The following PTPN1 variants were observed in gnomAD, a reference collection of about 807,000 sequenced individuals.
PTPN1 encodes tyrosine-protein phosphatase non-receptor type 1.
A neutral mutation model predicts 59.9 loss-of-function variants in PTPN1; 12 were observed. The ratio of observed to expected loss-of-function variants is 0.20; its 90% confidence interval spans 0.13 to 0.32. The LOEUF is 0.32. Ranked by LOEUF, PTPN1 falls within the 10% of genes least tolerant of loss-of-function variation. The probability of loss-of-function intolerance (pLI) is 1.00; values close to 1 mark genes in which losing one functional copy is unlikely to be tolerated. For missense variants in PTPN1, 356 were observed against 549.2 expected (o/e 0.65, Z 3.52); for synonymous variants, 178 against 203.6 (o/e 0.87, Z 1.07).
At chr20:50,561,042 T>C (rs7262993) in intron 1 of PTPN1, among the ~76,000 whole-genome samples, 6 of 152,310 alleles carry the variant, frequency 3.9e-5, no homozygotes, top group South Asian at 2.1e-4. Context: ...TCGCACCTCC[T>C]ACTGCCCACT....
chr20:50,545,887 G>C (rs375507078), intron 1 of PTPN1, among the ~76,000 whole-genome samples: 3 of 150,924 alleles, frequency 2.0e-5, no homozygotes, highest in African/African-American at 7.3e-5. Flanking sequence ...AATGAGCCAG[G>C]CATGGTGGAA....
In PTPN1 at chr20:50,568,472, A is replaced by G. The variant is rs1568793055; in HGVS notation, c.348A>G (p.Lys116=). ...TCATGCTCAACAGAGTGATGGAGAA[A>G]GGTTCGGTAAGTCTCGGCTTCATTT... is the stretch of plus-strand genomic sequence containing the variant. ...GVVMLNRVME[K]GSLKCAQYWP... The change falls in exon 4 of 10, where the codon AAA becomes AAG. Residue 116 remains lysine (K), a synonymous_variant. Transcript: ENST00000371621. This position sits in a 1 kb window ranked among gnomAD's most constrained non-coding sequence, Gnocchi z 5.6. The G allele has an allele frequency of 6.2e-7, 1 of 1,613,614 alleles. No individual in the cohort carries two copies. Among genetic ancestry groups the G allele is most frequent in the East Asian group, 2.2e-5 (1 of 44,878 alleles).
At chr20:50,511,452 G>C (rs1012781080) in intron 1 of PTPN1, among the ~76,000 whole-genome samples, 4 of 152,116 alleles carry the variant, frequency 2.6e-5, no homozygotes, top group African/African-American at 7.2e-5. Flanking sequence ...GGAGGCCTGC[G>C]GTACCCACTC....
At chr20:50,546,072 A>T (rs1202407036) in intron 1 of PTPN1, among the ~76,000 whole-genome samples, 1 of 152,024 alleles carries the variant, frequency 6.6e-6, no homozygotes, top group Non-Finnish European at 1.5e-5. Context: ...AAAAAAAGTG[A>T]TTAGATCCCT....
chr20:50,523,007 C>T (rs951987143), intron 1 of PTPN1, among the ~76,000 whole-genome samples: 12 of 151,582 alleles, frequency 7.9e-5, no homozygotes, highest in South Asian at 2.1e-4. Flanking sequence ...CTCAGGTGAT[C>T]CATCCACCTC....
rs145883911 is a variant in PTPN1, at chr20:50,581,435, C to T, written c.1259C>T (p.Thr420Met). The change falls in exon 9 of 10, where the codon ACG (threonine) becomes ATG (methionine). Residue 420 changes from threonine (T) to methionine (M), a missense_variant. Around this residue, in one of 3 missense-constraint regions of PTPN1, gnomAD observed 62 missense variants for 97.2 expected, o/e 0.64. Transcript: ENST00000371621. ...AACATGTGCGTGGCTACGGTCCTCA[C>T]GGCCGGCGCTTACCTCTGCTACAGG... ...LVNMCVATVL[T>M]AGAYLCYRFL... 6.0e-5 allele frequency: 97 copies of T among 1,612,214 alleles called. No homozygotes were observed. The highest frequency in any genetic ancestry group is 7.6e-5 in the Non-Finnish European group (90 of 1,178,406).
intron 1 of PTPN1, among the ~76,000 whole-genome samples, chr20:50,520,961 G>A (rs2082548626): frequency 6.6e-6 from 1 of 152,090 alleles, no homozygotes; most frequent in Admixed American, 6.6e-5. Flanking sequence ...CAGAGGGTGG[G>A]GTGATCTTTC....
chr20:50,568,436 CA>C lies in PTPN1; in HGVS notation c.313del (p.Arg105GlyfsTer9). 6.2e-7 allele frequency: 1 copy of C among 1,614,130 alleles called. No individual in the cohort carries two copies. The highest frequency in any genetic ancestry group is 8.5e-7 in the Non-Finnish European group (1 of 1,179,998). On this transcript the variant is annotated frameshift_variant, in exon 4 of 10. Transcript: ENST00000371621. LOFTEE classifies it high-confidence loss of function. This position sits in a 1 kb window ranked among gnomAD's most constrained non-coding sequence, Gnocchi z 5.6. ...GGGAGATGGTGTGGGAGCAGAAAAG[CA>C]GGGGTGTCGTCATGCTCAACAGAGT... is the stretch of plus-strand genomic sequence containing the variant. ...FWEMVWEQKS[R>X]GVVMLNRVME...
chr20:50,548,068 G>T (rs1049741485), intron 1 of PTPN1, among the ~76,000 whole-genome samples: 1 of 152,018 alleles, frequency 6.6e-6, no homozygotes, highest in Non-Finnish European at 1.5e-5. Context: ...TTGACCGTTT[G>T]CCTCCGTGTC....
intron 2 of PTPN1, among the ~76,000 whole-genome samples, chr20:50,564,676 T>C (rs1333661966): frequency 6.6e-6 from 1 of 152,142 alleles, no homozygotes; most frequent in Non-Finnish European, 1.5e-5. Context: ...GAGTAATAAG[T>C]ATCACAACAA....
Position 50,582,802 on chromosome 20 carries a change from A to G in PTPN1, c.*87A>G, listed in dbSNP as rs2082875687. Reference sequence around the variant, plus strand: ...GACTAGCAGGCATGCCGCGGTAGGTAAGGGCCGCCGGACCGCGTAGAGAGC... The same window carrying G: ...GACTAGCAGGCATGCCGCGGTAGGTGAGGGCCGCCGGACCGCGTAGAGAGC... On this transcript the variant is annotated 3_prime_UTR_variant, in exon 10 of 10. Transcript: ENST00000371621. This position sits in a 1 kb window ranked among gnomAD's most constrained non-coding sequence, Gnocchi z 4.2. 10 of 1,552,086 alleles carry G rather than the reference A, an allele frequency of 6.4e-6. No individual in the cohort carries two copies. The highest frequency in any genetic ancestry group is 2.7e-5 in the African/African-American group (2 of 73,666).
At chr20:50,574,353 C>T (rs533268548) in intron 4 of PTPN1, 164 bp from the exon 5 acceptor site, 2 of 674,798 alleles carry the variant, frequency 3.0e-6, no homozygotes, top group Admixed American at 4.1e-5. Context: ...TGCCCCCACC[C>T]CCATCTCCCC....
chr20:50,515,735 G>A (rs1252494804), intron 1 of PTPN1, among the ~76,000 whole-genome samples: 1 of 152,148 alleles, frequency 6.6e-6, no homozygotes, highest in Admixed American at 6.5e-5. Flanking sequence ...TTGAATTGAT[G>A]GTCAGTACTT....
At chr20:50,536,015 C>T (rs569247751) in intron 1 of PTPN1, among the ~76,000 whole-genome samples, 5 of 152,246 alleles carry the variant, frequency 3.3e-5, no homozygotes, top group Non-Finnish European at 7.4e-5. Context: ...ATGTGTAAGG[C>T]TTAGATGCTG....
chr20:50,583,076 C>G lies in PTPN1; in HGVS notation c.*361C>G, dbSNP rs939005519. The G allele has an allele frequency of 1.3e-5, 4 of 301,892 alleles. No homozygotes were observed. The highest frequency in any genetic ancestry group is 9.8e-5 in the South Asian group (1 of 10,224). The allele number at this position is 301,892 out of a possible 1,614,324, so 18.7% of individuals were successfully genotyped here. On this transcript the variant is annotated 3_prime_UTR_variant, in exon 10 of 10. Coordinates refer to ENST00000371621, the MANE Select transcript of PTPN1 (RefSeq NM_002827.4). The stretch of plus-strand genomic sequence containing the variant: ...GGCGGGCGGCACGCCAACAGCCCCC[C>G]CCTTGAATCTGCAGGGAGCAACTCT...
intron 1 of PTPN1, among the ~76,000 whole-genome samples, chr20:50,548,479 G>A (rs1344611765): frequency 2.6e-5 from 4 of 151,394 alleles, no homozygotes; most frequent in Non-Finnish European, 5.9e-5. Context: ...AGGCCGGAGT[G>A]CAGTGACATA....
intron 1 of PTPN1, among the ~76,000 whole-genome samples, chr20:50,556,550 A>G (rs909675981): frequency 6.6e-6 from 1 of 152,150 alleles, no homozygotes; most frequent in Non-Finnish European, 1.5e-5. Context: ...GCCCTTTTAC[A>G]GTTTTATAAA....
intron 2 of PTPN1, chr20:50,563,151 A>C (rs1422771561): frequency 6.6e-6 from 1 of 151,242 alleles, no homozygotes; most frequent in Non-Finnish European, 1.5e-5. Flanking sequence ...CAATTCTCCA[A>C]CTTTTTCACT....
In PTPN1 at chr20:50,582,821, A is replaced by G; in HGVS notation, c.*106A>G. The G allele has an allele frequency of 7.2e-7, 1 of 1,393,584 alleles. No individual in the cohort carries two copies. The highest frequency in any genetic ancestry group is 1.0e-6 in the Non-Finnish European group (1 of 996,724). 86.3% of individuals were successfully genotyped at this position (1,393,584 alleles called of 1,614,324 possible). A position where few individuals can be genotyped will look rare whatever the true frequency, so the allele number is the denominator to read the frequency against. ...GTAGGTAAGGGCCGCCGGACCGCGT[A>G]GAGAGCCGGGCCCCGGACGGACGTT... is the stretch of plus-strand genomic sequence containing the variant. On this transcript the variant is annotated 3_prime_UTR_variant, in exon 10 of 10. Coordinates refer to ENST00000371621, the MANE Select transcript of PTPN1 (RefSeq NM_002827.4). The surrounding 1 kb of genome is among the most constrained non-coding windows in gnomAD (Gnocchi z 4.2).
Sources: gnomAD v4.1 joint callset for allele counts (sites outside exome capture counted in the v4.1 genomes callset) on GRCh38, gnomAD v4.1.1 for gene constraint, gnomAD v4.1.1 regional missense constraint, Gnocchi (gnomAD v3.1) non-coding constraint, MANE v1.5 for transcripts, NCBI Gene and HGNC (gene_info 2026-07-23, HGNC 2026-07-21) for gene names.